Variants in CDC42SE2 observed in about 807,000 individuals in gnomAD.
The protein encoded by CDC42SE2 is CDC42 small effector 2, also known as CDC42 small effector protein 2.
Under a neutral mutation model 11.5 loss-of-function variants are expected in CDC42SE2, and 3 were observed. The ratio of observed to expected loss-of-function variants is 0.26; its 90% confidence interval spans 0.12 to 0.67. The LOEUF (loss-of-function observed/expected upper bound fraction) is 0.67, where lower values mean the gene tolerates loss of function less well. CDC42SE2 is among the 30% of genes least tolerant of loss of function. The pLI is 0.80. For synonymous variants in CDC42SE2, 33 were observed against 34.8 expected, an observed-to-expected ratio of 0.95 and a Z score of 0.18; for missense variants, 82 against 106.8, an observed-to-expected ratio of 0.77 and a Z score of 1.02.
At chr5:131,242,432 T>C (rs1038762744), upstream of CDC42SE2, among the ~76,000 whole-genome samples, 1 of 152,188 alleles carries the variant, frequency 6.6e-6, no homozygotes, top group African/African-American at 2.4e-5. Flanking sequence ...CATTTGTTTA[T>C]ATATTCTCTC....
chr5:131,378,607 CAACTT>C (rs1165611120), intron 3 of CDC42SE2, among the ~76,000 whole-genome samples: 2 of 152,252 alleles, frequency 1.3e-5, no homozygotes, highest in Non-Finnish European at 1.5e-5. Context: ...TTGGTACAAA[CAACTT>C]AGTAAAGATT....
intron 2 of CDC42SE2, among the ~76,000 whole-genome samples, chr5:131,356,768 T>C (rs546965993): frequency 1.3e-5 from 2 of 152,102 alleles, no homozygotes; most frequent in South Asian, 4.2e-4. Context: ...ATTAGCAAAG[T>C]GTGGCAGCAC....
At chr5:131,297,383 T>A (rs1580738319) in intron 1 of CDC42SE2, among the ~76,000 whole-genome samples, 1 of 152,040 alleles carries the variant, frequency 6.6e-6, no homozygotes, top group South Asian at 2.1e-4. Flanking sequence ...CATGTATACA[T>A]GAGAAAACAA....
At chr5:131,300,194 A>G (rs1757650797) in intron 1 of CDC42SE2, among the ~76,000 whole-genome samples, 1 of 152,152 alleles carries the variant, frequency 6.6e-6, no homozygotes, top group Non-Finnish European at 1.5e-5. Context: ...TTTGAGAAAA[A>G]TAAGATTTGA....
At chr5:131,241,200 G>A (rs546892986), upstream of CDC42SE2, among the ~76,000 whole-genome samples, 8 of 151,750 alleles carry the variant, frequency 5.3e-5, no homozygotes, top group South Asian at 1.7e-3. Context: ...GGATGGTCTC[G>A]ATCTCCTGAC....
chr5:131,354,264 C>T (rs1418844140), intron 2 of CDC42SE2, among the ~76,000 whole-genome samples: 1 of 151,974 alleles, frequency 6.6e-6, no homozygotes, highest in Non-Finnish European at 1.5e-5. Flanking sequence ...AATAAAATTG[C>T]ATAGTGGATA....
chr5:131,297,441 C>T (rs745486157), intron 1 of CDC42SE2, among the ~76,000 whole-genome samples: 5 of 151,996 alleles, frequency 3.3e-5, no homozygotes, highest in Middle Eastern at 3.2e-3. Context: ...GCATCCTGGC[C>T]GGGTGCGGTG....
At chr5:131,281,968 A>G (rs1757245991) in intron 1 of CDC42SE2, among the ~76,000 whole-genome samples, 1 of 152,178 alleles carries the variant, frequency 6.6e-6, no homozygotes, top group Admixed American at 6.5e-5. Flanking sequence ...ACAATACCAT[A>G]TCGTTTTAAA....
chr5:131,270,066 C>CA (rs1012797436), intron 1 of CDC42SE2, among the ~76,000 whole-genome samples: 4 of 144,004 alleles, frequency 2.8e-5, no homozygotes, highest in African/African-American at 5.2e-5. Flanking sequence ...CTCAAAAAAA[C>CA]AAAAAAACAA....
At chr5:131,220,406 C>T in the CDC42SE2 span, among the ~76,000 whole-genome samples, 1 of 152,050 alleles carries the variant, frequency 6.6e-6, no homozygotes. Context: ...GGGGTTTCAC[C>T]GTGTTAGCCA....
In CDC42SE2 at chr5:131,341,113, G is replaced by T. The variant is rs916742458; in HGVS notation, c.-285-18096G>T. Among the ~76,000 whole-genome samples the T allele has an allele frequency of 2.0e-5, 3 of 152,246 alleles. No individual in the cohort carries two copies. In the South Asian group the frequency reaches 6.2e-4, roughly 32 times the overall value. ...ATTGTGTACTTACTGTATACTAAGTGTTTTGTTTAATTTTCACAATAGTCC... is the reference window on the plus strand; with the variant it reads ...ATTGTGTACTTACTGTATACTAAGTTTTTTGTTTAATTTTCACAATAGTCC... On this transcript the variant is annotated intron_variant, in intron 2 of 4. Coordinates refer to ENST00000505065, the MANE Select transcript of CDC42SE2 (RefSeq NM_001375635.1).
chr5:131,320,266 C>T (rs1293522770), intron 2 of CDC42SE2, among the ~76,000 whole-genome samples: 2 of 151,054 alleles, frequency 1.3e-5, no homozygotes, highest in Admixed American at 6.6e-5. Flanking sequence ...GTGGTGCATG[C>T]CTGTAATCCC....
the CDC42SE2 span, among the ~76,000 whole-genome samples, chr5:131,232,333 T>G: frequency 6.6e-6 from 1 of 152,008 alleles, no homozygotes; most frequent in African/African-American, 2.4e-5. Context: ...AGGCTGGTCT[T>G]GAACTCCTGA....
At chr5:131,318,399 G>C (rs1018857683) in intron 2 of CDC42SE2, among the ~76,000 whole-genome samples, 5 of 152,146 alleles carry the variant, frequency 3.3e-5, no homozygotes, top group African/African-American at 1.2e-4. Context: ...AATGGAACAT[G>C]TTTCCTACCT....
chr5:131,306,157 C>CGTCCTGCCTT lies in CDC42SE2; in HGVS notation c.-454-9809_-454-9800dup, dbSNP rs1191093765. On this transcript the variant is annotated intron_variant, in intron 1 of 4. Coordinates refer to ENST00000505065, the MANE Select transcript of CDC42SE2 (RefSeq NM_001375635.1). ...TGAGTAGTGTGATGAAATCTTGTGC[C>CGTCCTGCCTT]GTCCTGCCTTGTCCTGCCTGGGAAA... 3.3e-5 allele frequency among the ~76,000 whole-genome samples: 5 copies of CGTCCTGCCTT among 152,212 alleles called. No individual in the cohort carries two copies. In the South Asian group the frequency reaches 8.3e-4, roughly 25 times the overall value.
At chr5:131,273,421 G>T (rs552563912) in intron 1 of CDC42SE2, among the ~76,000 whole-genome samples, 98 of 149,656 alleles carry the variant, frequency 6.5e-4, no homozygotes, top group African/African-American at 2.3e-3. Flanking sequence ...CTCCCAAAGT[G>T]CTGGGATTAT....
chr5:131,323,085 T>C lies in CDC42SE2; in HGVS notation c.-286+6941T>C, dbSNP rs139223208. On this transcript the variant is annotated intron_variant, in intron 2 of 4. Coordinates refer to ENST00000505065, the MANE Select transcript of CDC42SE2 (RefSeq NM_001375635.1). The stretch of plus-strand genomic sequence containing the variant: ...CTCTGTTGCCCAGGCTCGAGTATAA[T>C]GGACAATCGTGACTCACTGCACCCT... 1.6e-3 allele frequency among the ~76,000 whole-genome samples: 245 copies of C among 152,264 alleles called. 1 individual carries two copies. The highest frequency in any genetic ancestry group is 5.6e-3 in the African/African-American group (232 of 41,552).
chr5:131,295,312 AAAC>A (rs1305573378), intron 1 of CDC42SE2, among the ~76,000 whole-genome samples: 1 of 152,002 alleles, frequency 6.6e-6, no homozygotes, highest in African/African-American at 2.4e-5. Context: ...CAAAAAACCA[AAAC>A]AACAAAAAAA....
At chr5:131,223,945 T>C in the CDC42SE2 span, among the ~76,000 whole-genome samples, 1 of 152,326 alleles carries the variant, frequency 6.6e-6, no homozygotes, top group South Asian at 2.1e-4. Context: ...AGTCCTCATC[T>C]TACCTGACCA....
Sources: gnomAD v4.1 joint callset for allele counts (sites outside exome capture counted in the v4.1 genomes callset) on GRCh38, gnomAD v4.1.1 for gene constraint, MANE v1.5 for transcripts, NCBI Gene and HGNC (gene_info 2026-07-23, HGNC 2026-07-21) for gene names.